The following CMTR2 variants were observed in gnomAD, a reference collection of about 807,000 sequenced individuals.
CMTR2 encodes the protein cap-specific mRNA (nucleoside-2'-O-)-methyltransferase 2.
CMTR2 carries 40 observed loss-of-function variants against 49.8 expected under a neutral mutation model. The ratio of observed to expected loss-of-function variants is 0.80; its 90% CI spans 0.62 to 1.04. The LOEUF (loss-of-function observed/expected upper bound fraction) is 1.04, where lower values mean the gene tolerates loss of function less well. Ranked by LOEUF, CMTR2 falls within the 50% of genes least tolerant of loss-of-function variation. The probability of loss-of-function intolerance (pLI) is 0.00; values close to 1 mark genes in which losing one functional copy is unlikely to be tolerated. For missense variants in CMTR2, 907 were observed against 897.2 expected (o/e 1.01, Z -0.14); for synonymous variants, 326 against 315.8 (o/e 1.03, Z -0.34).
rs1272240886 is a variant in CMTR2, at chr16:71,285,301, G to T, written c.620C>A (p.Thr207Asn). 6.2e-7 allele frequency: 1 copy of T among 1,614,048 alleles called. No individual in the cohort carries two copies. Among genetic ancestry groups the T allele is most frequent in the African/African-American group, 1.3e-5 (1 of 74,922 alleles). Residue 207 changes from threonine (T) to asparagine (N), a missense_variant, in exon 3 of 3, where the codon ACT becomes AAT. Thr to Asn is a moderately conservative substitution (Grantham distance 65, BLOSUM62 0). Coordinates refer to ENST00000434935, the MANE Select transcript of CMTR2 (RefSeq NM_018348.6). ...LHWWYFGPDN[T>N]GDIMTLKFLT... ...GAATTTCAGGGTCATGATATCACCA[G>T]TGTTATCTGGACCAAAGTACCACCA...
In CMTR2 at chr16:71,283,993, A is replaced by G. The variant is rs376730118; in HGVS notation, c.1928T>C (p.Met643Thr). ...GAAGCAAGAAAGTACAGGCAAAATC[A>G]TAACATCTCCTGTATGAAGCTCCCG... Reference protein sequence around the residue: ...SLRELHTGDVMILPVLSCFTR... With the variant: ...SLRELHTGDVTILPVLSCFTR... Residue 643 changes from methionine to threonine, a missense_variant, in exon 3 of 3, where the codon ATG becomes ACG. Coordinates refer to ENST00000434935, the MANE Select transcript of CMTR2 (RefSeq NM_018348.6). 8 of 1,613,864 alleles carry G rather than the reference A, an allele frequency of 5.0e-6. No individual in the cohort carries two copies. Among genetic ancestry groups the G allele is most frequent in the East Asian group, 2.2e-5 (1 of 44,902 alleles).
chr16:71,288,074 T>C (rs2041760647), intron 2 of CMTR2: 1 of 152,240 alleles, frequency 6.6e-6, no homozygotes, highest in Non-Finnish European at 1.5e-5. Flanking sequence ...GTTCTGACTA[T>C]ACTTTTGCTG....
chr16:71,285,464 T>C lies in CMTR2; in HGVS notation c.457A>G (p.Ser153Gly). The C allele has an allele frequency of 6.2e-7, 1 of 1,614,128 alleles. No individual in the cohort carries two copies. The highest frequency in any genetic ancestry group is 1.3e-5 in the African/African-American group (1 of 75,066). Residue 153 changes from serine (S) to glycine (G), a missense_variant, in exon 3 of 3, where the codon AGT (serine) becomes GGT (glycine). By Grantham distance (56) the Ser-to-Gly change is moderately conservative. Transcript: ENST00000434935. The part of the protein sequence containing the change: ...LCEAPGAFIA[S>G]LNHYLKSHRF... ...TGGGATTTTAAGTAGTGGTTGAGAC[T>C]AGCTATAAAAGCTCCTGGAGCTTCA...
chr16:71,284,216 C>T lies in CMTR2; in HGVS notation c.1705G>A (p.Glu569Lys). ...LCSLTECLQD[E>K]QVVVPSNQIK... The stretch of plus-strand genomic sequence containing the variant: ...TGATTGCTGGGTACTACAACCTGCT[C>T]ATCCTGAAGGCACTCAGTAAGGCTA... The change falls in exon 3 of 3, where the codon GAG becomes AAG. Residue 569 changes from glutamate (E) to lysine (K), a missense_variant. Glu to Lys is a moderately conservative substitution (Grantham distance 56, BLOSUM62 1). Coordinates refer to ENST00000434935, the MANE Select transcript of CMTR2 (RefSeq NM_018348.6). 6.2e-7 allele frequency: 1 copy of T among 1,614,020 alleles called. No individual in the cohort carries two copies. The highest frequency in any genetic ancestry group is 8.5e-7 in the Non-Finnish European group (1 of 1,179,948).
chr16:71,287,456 G>C (rs529708189), intron 2 of CMTR2: 1 of 152,062 alleles, frequency 6.6e-6, no homozygotes, highest in Non-Finnish European at 1.5e-5. Context: ...TTGAGACAGG[G>C]TCTCACTCTG....
In CMTR2 at chr16:71,284,762, T is replaced by C. The variant is rs1387813142; in HGVS notation, c.1159A>G (p.Lys387Glu). Reference sequence around the variant, plus strand: ...TTATTCAGCTTTTCTTGTTCCGCCTTTCCCATGCACTCAAATAGACGAATG... The same window carrying C: ...TTATTCAGCTTTTCTTGTTCCGCCTCTCCCATGCACTCAAATAGACGAATG... Reference protein sequence around the residue: ...ENIRLFECMGKAEQEKLNNLR... With the variant: ...ENIRLFECMGEAEQEKLNNLR... Residue 387 changes from lysine to glutamate, a missense_variant, in exon 3 of 3, where the codon AAG becomes GAG. Physicochemically the swap from Lys to Glu is moderately conservative, Grantham distance 56. Transcript: ENST00000434935. 6.2e-7 allele frequency: 1 copy of C among 1,613,802 alleles called. No individual in the cohort carries two copies. The highest frequency in any genetic ancestry group is 1.7e-5 in the Admixed American group (1 of 59,980).
chr16:71,284,184 CTTTA>C lies in CMTR2; in HGVS notation c.1733_1736del (p.Ile578SerfsTer24), dbSNP rs769970271. The stretch of plus-strand genomic sequence containing the variant: ...GAGTCGAAAAGCCCACCAGCAGGCA[CTTTA>C]TTTGATTGCTGGGTACTACAACCTG... On this transcript the variant is annotated frameshift_variant, in exon 3 of 3. Transcript: ENST00000434935. LOFTEE classifies it high-confidence loss of function. The C allele has an allele frequency of 1.2e-6, 2 of 1,613,838 alleles. No individual in the cohort carries two copies. The highest frequency in any genetic ancestry group is 8.5e-7 in the Non-Finnish European group (1 of 1,179,938).
rs139490864 is a variant in CMTR2 at position 71,284,250 on chromosome 16, G to A, written c.1671C>T (p.Ser557=). The change falls in exon 3 of 3, where the codon TCC becomes TCT. Residue 557 remains serine (S), a synonymous_variant. Coordinates refer to ENST00000434935, the MANE Select transcript of CMTR2 (RefSeq NM_018348.6). ...CHVFSEELIF[S]ELCSLTECLQ... ...GGCACTCAGTAAGGCTACACAACTC[G>A]GAAAATATCAGTTCTTCAGAAAAAA... The A allele has an allele frequency of 2.8e-5, 45 of 1,613,952 alleles. No homozygotes were observed. Among genetic ancestry groups the A allele is most frequent in the African/African-American group, 1.7e-4 (13 of 74,992 alleles).
In CMTR2 at chr16:71,283,882, AG is replaced by A; in HGVS notation, c.2038del (p.Leu680Ter). On this transcript the variant is annotated frameshift_variant, in exon 3 of 3. Transcript: ENST00000434935. LOFTEE classifies it high-confidence loss of function. The stretch of plus-strand genomic sequence containing the variant: ...ACATAGCAGGACTGCGCAGGTCCTC[AG>A]GGGATCAGAGGATGTGGGACAAACA... ...TFVCPTSSDP[L>X]RTCAVLLCVG... The A allele has an allele frequency of 6.2e-7, 1 of 1,613,084 alleles. No homozygotes were observed. The highest frequency in any genetic ancestry group is 8.5e-7 in the Non-Finnish European group (1 of 1,179,044).
In CMTR2 at chr16:71,284,821, A is replaced by G; in HGVS notation, c.1100T>C (p.Phe367Ser). The G allele has an allele frequency of 1.9e-6, 3 of 1,613,938 alleles. No homozygotes were observed. Among genetic ancestry groups the G allele is most frequent in the Non-Finnish European group, 2.5e-6 (3 of 1,179,970 alleles). The part of the protein sequence containing the change: ...LKRHEECCVF[F>S]HKYQLETISE... ...AATAGTCTCTAGCTGATATTTATGA[A>G]AGAACACACAACATTCTTCATGTCT... Residue 367 changes from phenylalanine (F) to serine (S), a missense_variant, in exon 3 of 3, where the codon TTT becomes TCT. Coordinates refer to ENST00000434935, the MANE Select transcript of CMTR2 (RefSeq NM_018348.6).
In CMTR2 at chr16:71,283,823, G is replaced by A. The variant is rs368654966; in HGVS notation, c.2098C>T (p.Arg700Ter). The change falls in exon 3 of 3, where the codon CGA (arginine) becomes TGA (stop). Residue 700 changes from arginine (R) to a stop codon, truncating the protein, a stop_gained. Coordinates refer to ENST00000434935, the MANE Select transcript of CMTR2 (RefSeq NM_018348.6). LOFTEE classifies it high-confidence loss of function. ...AATTCATTCACACTCTGCAAATATCGGAAAACTGGATTTGGAAGGTCCTGA... is the reference window on the plus strand; with the variant it reads ...AATTCATTCACACTCTGCAAATATCAGAAAACTGGATTTGGAAGGTCCTGA... ...GYQDLPNPVF[R>*]YLQSVNELLS... 4.7e-5 allele frequency: 76 copies of A among 1,613,746 alleles called. No individual in the cohort carries two copies. Among genetic ancestry groups the A allele is most frequent in the African/African-American group, 1.3e-4 (10 of 74,906 alleles).
At chr16:71,289,527 G>A (rs1243660568), upstream of CMTR2, 2 of 152,208 alleles carry the variant, frequency 1.3e-5, no homozygotes, top group Non-Finnish European at 2.9e-5. Flanking sequence ...GAGTACAGAA[G>A]CTGGGAGGCG....
Position 71,283,602 on chromosome 16 carries a change from A to AT in CMTR2, c.*5dup. 2.5e-6 allele frequency: 4 copies of AT among 1,600,910 alleles called. No individual in the cohort carries two copies. Among genetic ancestry groups the AT allele is most frequent in the Non-Finnish European group, 3.4e-6 (4 of 1,174,498 alleles). ...ATCATAAAGTTGAATCTCAGAAAGC[A>AT]TATGTTCAGTTTTGTAACTGAAGGC... On this transcript the variant is annotated 3_prime_UTR_variant, in exon 3 of 3. Transcript: ENST00000434935.
At chr16:71,286,498 A>G (rs1047846909) in intron 2 of CMTR2, 2 of 151,200 alleles carry the variant, frequency 1.3e-5, no homozygotes, top group African/African-American at 4.9e-5. Flanking sequence ...GGAGAGGATC[A>G]TGTACCTGAA....
Position 71,284,710 on chromosome 16 carries a change from A to C in CMTR2, c.1211T>G (p.Phe404Cys). 6.2e-7 allele frequency: 1 copy of C among 1,613,216 alleles called. No homozygotes were observed. Among genetic ancestry groups the C allele is most frequent in the Non-Finnish European group, 8.5e-7 (1 of 1,179,638 alleles). Residue 404 changes from phenylalanine (F) to cysteine (C), a missense_variant, in exon 3 of 3, where the codon TTT becomes TGT. Coordinates refer to ENST00000434935, the MANE Select transcript of CMTR2 (RefSeq NM_018348.6). ...NNLRDCAIQY[F>C]MQKFQLKHLS... ...ATGTTTCAGTTGAAATTTTTGCATA[A>C]AATATTGTATAGCACAATCCCTTAA...
In CMTR2 at chr16:71,284,956, C is replaced by T. The variant is rs771244302; in HGVS notation, c.965G>A (p.Gly322Glu). 1.9e-6 allele frequency: 3 copies of T among 1,614,074 alleles called. No individual in the cohort carries two copies. Among genetic ancestry groups the T allele is most frequent in the Non-Finnish European group, 2.5e-6 (3 of 1,179,952 alleles). The change falls in exon 3 of 3, where the codon GGG becomes GAG. Residue 322 changes from glycine (G) to glutamate (E), a missense_variant. Gly to Glu is a moderately conservative substitution (Grantham distance 98). Transcript: ENST00000434935. ...EVYVVCLHYKGREAIHPLLSK... is the reference protein window; with the variant it reads ...EVYVVCLHYKEREAIHPLLSK... Reference sequence around the variant, plus strand: ...TAACAGAGGATGGATGGCCTCTCTCCCCTTATAGTGGAGGCAAACCACATA... The same window carrying T: ...TAACAGAGGATGGATGGCCTCTCTCTCCTTATAGTGGAGGCAAACCACATA...
intron 2 of CMTR2, chr16:71,287,079 C>CAGAA (rs1775936733): frequency 6.6e-6 from 1 of 152,068 alleles, no homozygotes. Flanking sequence ...TCAATAGATG[C>CAGAA]TTTAGTTCAC....
Position 71,284,502 on chromosome 16 carries a change from TAC to T in CMTR2, c.1417_1418del (p.Val473IlefsTer17), listed in dbSNP as rs1425874113. ...YFNSWAEEHG[V>X]YHPGQSSILE... Reference sequence around the variant, plus strand: ...AAATAGAACTCTGCCCAGGATGATATACACCATGTTCTTCAGCCCAACTATTA... The same window carrying T: ...AAATAGAACTCTGCCCAGGATGATATACCATGTTCTTCAGCCCAACTATTA... On this transcript the variant is annotated frameshift_variant, in exon 3 of 3. Transcript: ENST00000434935. LOFTEE classifies it high-confidence loss of function. The T allele has an allele frequency of 6.2e-7, 1 of 1,613,848 alleles. No homozygotes were observed. The highest frequency in any genetic ancestry group is 8.5e-7 in the Non-Finnish European group (1 of 1,179,952).
rs768395076 is a variant in CMTR2, at chr16:71,284,389, C to A, written c.1532G>T (p.Cys511Phe). 1 of 1,612,992 alleles carries A rather than the reference C, an allele frequency of 6.2e-7. No homozygotes were observed. The highest frequency in any genetic ancestry group is 1.1e-5 in the South Asian group (1 of 90,846). Residue 511 changes from cysteine to phenylalanine, a missense_variant, in exon 3 of 3, where the codon TGC becomes TTC. Transcript: ENST00000434935. ...KLPKVKCSPF[C>F]NGEILKTLNE... ...AAGAGTTTTTAAAATTTCACCATTG[C>A]AAAAAGGAGAACATTTTACCTTTGG...
Sources: gnomAD v4.1 joint callset for allele counts on GRCh38, gnomAD v4.1.1 for gene constraint, MANE v1.5 for transcripts, NCBI Gene and HGNC (gene_info 2026-07-23, HGNC 2026-07-21) for gene names.